Variants in APOH observed in about 807,000 individuals in gnomAD.
APOH encodes the protein apolipoprotein H.
In APOH, 48 loss-of-function variants were observed where a neutral mutation model predicts 39.8. The ratio of observed to expected loss-of-function variants is 1.21; its 90% CI spans 0.96 to 1.54. The LOEUF (loss-of-function observed/expected upper bound fraction) is 1.54. Ranked by LOEUF, APOH falls within the 40% of genes most tolerant of loss-of-function variation. The pLI is 0.00. For missense variants in APOH, 415 were observed against 421.2 expected (o/e 0.99, Z 0.13); for synonymous variants, 153 against 151.1 (o/e 1.01, Z -0.09).
Position 66,226,076 on chromosome 17 carries a change from T to A in APOH, c.290A>T (p.Tyr97Phe), listed in dbSNP as rs764232368. 6 of 1,613,934 alleles carry A rather than the reference T, an allele frequency of 3.7e-6. No homozygotes were observed. The highest frequency in any genetic ancestry group is 5.1e-6 in the Non-Finnish European group (6 of 1,179,910). Residue 97 changes from tyrosine (Y) to phenylalanine (F), a missense_variant, in exon 3 of 8, where the codon TAT becomes TTT. By Grantham distance (22) the Tyr-to-Phe change is conservative. Around this residue, in one of 3 missense-constraint regions of APOH, gnomAD observed 288 missense variants for 284.9 expected, o/e 1.01. Transcript: ENST00000205948. Reference sequence around the variant, plus strand: ...CGTGTTGGGATATTCAAAAGTCGTATAGCGTACGGCTCCATTTTCTAAGAT... The same window carrying A: ...CGTGTTGGGATATTCAAAAGTCGTAAAGCGTACGGCTCCATTTTCTAAGAT... ...AGILENGAVR[Y>F]TTFEYPNTIS...
At position 66,226,083 on chromosome 17, in the gene APOH, C is replaced by T. The variant is rs55729748; in HGVS notation, c.283G>A (p.Val95Ile). ...GGATATTCAAAAGTCGTATAGCGTA[C>T]GGCTCCATTTTCTAAGATTCCAGCA... ...PFAGILENGAVRYTTFEYPNT... is the reference protein window; with the variant it reads ...PFAGILENGAIRYTTFEYPNT... Residue 95 changes from valine to isoleucine, a missense_variant, in exon 3 of 8, where the codon GTA becomes ATA. Around this residue, in one of 3 missense-constraint regions of APOH, gnomAD observed 288 missense variants for 284.9 expected, o/e 1.01. Transcript: ENST00000205948. 1.2e-4 allele frequency: 187 copies of T among 1,613,310 alleles called. 1 individual carries two copies. In the South Asian group the frequency reaches 1.5e-3, roughly 13 times the overall value.
intron 7 of APOH, among the ~76,000 whole-genome samples, chr17:66,212,525 C>T (rs986434420): frequency 3.9e-5 from 6 of 152,152 alleles, no homozygotes; most frequent in African/African-American, 1.4e-4. Context: ...GCTGGGACTA[C>T]AGGCACGTGC....
In APOH at chr17:66,212,070, A is replaced by T; in HGVS notation, c.*63T>A. 2 of 1,400,388 alleles carry T rather than the reference A, an allele frequency of 1.4e-6. No individual in the cohort carries two copies. The highest frequency in any genetic ancestry group is 2.0e-6 in the Non-Finnish European group (2 of 989,344). 86.7% of individuals were successfully genotyped at this position (1,400,388 alleles called of 1,614,324 possible). On this transcript the variant is annotated 3_prime_UTR_variant, in exon 8 of 8. Transcript: ENST00000205948. ...TTCAGTAGCTTTATTTTTAAATTTC[A>T]ATTAGGTTCCTTGGATGAACAAGAA...
chr17:66,228,921 C>G (rs2073456348), intron 1 of APOH, among the ~76,000 whole-genome samples: 1 of 151,922 alleles, frequency 6.6e-6, no homozygotes, highest in Non-Finnish European at 1.5e-5. Context: ...CAACCTCTGC[C>G]TCCCAGGTTC....
intron 3 of APOH, among the ~76,000 whole-genome samples, chr17:66,225,629 A>G (rs1337587942): frequency 6.6e-6 from 1 of 152,146 alleles, no homozygotes; most frequent in Non-Finnish European, 1.5e-5. Flanking sequence ...TACGTATTGC[A>G]CTAGTTGTTA....
chr17:66,222,550 G>A (rs2073408807), intron 4 of APOH, among the ~76,000 whole-genome samples: 1 of 143,596 alleles, frequency 7.0e-6, no homozygotes, highest in East Asian at 2.0e-4. Flanking sequence ...ATTTGAAATT[G>A]CTTTACTTTC....
At chr17:66,217,344 A>C (rs1352011380) in intron 5 of APOH, among the ~76,000 whole-genome samples, 21 of 125,852 alleles carry the variant, frequency 1.7e-4, no homozygotes, top group South Asian at 5.9e-4. Context: ...CAAAGACTGA[A>C]CCCCCCCCCC....
chr17:66,221,056 G>A (rs1311436940), intron 4 of APOH, among the ~76,000 whole-genome samples: 2 of 151,860 alleles, frequency 1.3e-5, no homozygotes, highest in South Asian at 2.1e-4. Context: ...AGCCAGGCAT[G>A]GAGGTGTGTG....
intron 7 of APOH, among the ~76,000 whole-genome samples, chr17:66,213,538 A>G (rs961063352): frequency 2.6e-5 from 4 of 152,150 alleles, no homozygotes; most frequent in Non-Finnish European, 5.9e-5. Flanking sequence ...TTTATTATTC[A>G]ATATTTGGTT....
Position 66,223,974 on chromosome 17 carries a change from G to T in APOH, c.339-200C>A, listed in dbSNP as rs3815410. Among the ~76,000 whole-genome samples, 1,475 of 152,092 alleles carry T rather than the reference G, an allele frequency of 9.7e-3. 28 individuals are homozygous for T. The highest frequency in any genetic ancestry group is 0.034 in the African/African-American group (1,407 of 41,488). Reference sequence around the variant, plus strand: ...AATGATGCAGGTGAATCACTGCAGGGTTCCACAGCTGGTGAGTGGAGAATC... The same window carrying T: ...AATGATGCAGGTGAATCACTGCAGGTTTCCACAGCTGGTGAGTGGAGAATC... On this transcript the variant is annotated intron_variant, in intron 3 of 7. Transcript: ENST00000205948.
chr17:66,225,979 C>T, intron 3 of APOH, 49 bp downstream of exon 3: 1 of 1,354,766 alleles, frequency 7.4e-7, no homozygotes, highest in Non-Finnish European at 1.0e-6. Flanking sequence ...CTTAAGGATA[C>T]AAAAATGTGC....
chr17:66,212,287 G>GTAA, intron 7 of APOH, 99 bp from the exon 8 acceptor site: 1 of 910,002 alleles, frequency 1.1e-6, no homozygotes, highest in Non-Finnish European at 1.8e-6. Flanking sequence ...CGAGTATATA[G>GTAA]AATACATGTG....
intron 4 of APOH, among the ~76,000 whole-genome samples, chr17:66,221,083 C>T (rs1386994470): frequency 1.3e-5 from 2 of 151,860 alleles, no homozygotes; most frequent in Non-Finnish European, 2.9e-5. Context: ...GTCCCAGCTA[C>T]TCCAGAGGCT....
chr17:66,215,247 T>C (rs2073357966), intron 6 of APOH, among the ~76,000 whole-genome samples: 1 of 152,210 alleles, frequency 6.6e-6, no homozygotes, highest in African/African-American at 2.4e-5. Flanking sequence ...GAGCTCCCAG[T>C]GGGATCAAAC....
chr17:66,212,548 C>T (rs2073342483), intron 7 of APOH, among the ~76,000 whole-genome samples: 1 of 152,110 alleles, frequency 6.6e-6, no homozygotes, highest in South Asian at 2.1e-4. Flanking sequence ...CCATGCCTGG[C>T]TAATCTTTGT....
In APOH at chr17:66,218,350, C is replaced by T. The variant is rs371208946; in HGVS notation, c.605-1383G>A. 8.4e-4 allele frequency among the ~76,000 whole-genome samples: 128 copies of T among 152,006 alleles called. 1 individual carries two copies. The highest frequency in any genetic ancestry group is 3.0e-3 in the African/African-American group (123 of 41,470). The stretch of plus-strand genomic sequence containing the variant: ...TTTGACACAGAGTCTCACTCTGTTG[C>T]CCAGGCTGGAGTGCAGTGGTGCAAT... On this transcript the variant is annotated intron_variant, in intron 5 of 7. Transcript: ENST00000205948.
chr17:66,228,892 G>C (rs1020311537), intron 1 of APOH, among the ~76,000 whole-genome samples: 4 of 151,824 alleles, frequency 2.6e-5, no homozygotes, highest in African/African-American at 9.7e-5. Flanking sequence ...GAGTGCAATG[G>C]GGGGACCTCG....
At position 66,220,514 on chromosome 17, in the gene APOH, T is replaced by G. The variant is rs181708627; in HGVS notation, c.604+40A>C. The G allele has an allele frequency of 2.1e-3, 3,355 of 1,585,824 alleles. 10 individuals carry two copies. Among genetic ancestry groups the G allele is most frequent in the Non-Finnish European group, 2.3e-3 (2,626 of 1,156,482 alleles). On this transcript the variant is annotated intron_variant, in intron 5 of 7. Transcript: ENST00000205948. Reference sequence around the variant, plus strand: ...TTCAATACCTTTCACAAATGGGATCTTGCCCTACCATGCGTATTTTGTCTG... The same window carrying G: ...TTCAATACCTTTCACAAATGGGATCGTGCCCTACCATGCGTATTTTGTCTG...
chr17:66,222,381 C>T (rs1410129564), intron 4 of APOH, among the ~76,000 whole-genome samples: 3 of 152,094 alleles, frequency 2.0e-5, no homozygotes, highest in Non-Finnish European at 4.4e-5. Context: ...AAGACCCTAC[C>T]TCTAAATAAA....
Sources: allele counts gnomAD v4.1 joint callset (sites outside exome capture counted in the v4.1 genomes callset), GRCh38; gene constraint gnomAD v4.1.1; regional missense constraint gnomAD v4.1.1; transcripts MANE v1.5; gene names NCBI Gene and HGNC (gene_info 2026-07-23, HGNC 2026-07-21).